The following MS4A8 variants were observed in gnomAD, a reference collection of about 807,000 sequenced individuals.
MS4A8 encodes the protein membrane spanning 4-domains A8.
A neutral mutation model predicts 23.7 loss-of-function variants in MS4A8; 27 were observed. The ratio of observed to expected loss-of-function variants is 1.14; its 90% CI spans 0.84 to 1.57. MS4A8 has a LOEUF of 1.57. Ranked by LOEUF, MS4A8 falls within the 40% of genes most tolerant of loss-of-function variation. The pLI, the probability that MS4A8 is intolerant of heterozygous loss-of-function variation, is 0.00. For synonymous variants in MS4A8, 138 were observed against 126.3 expected, an observed-to-expected ratio of 1.09 and a Z score of -0.62; for missense variants, 301 against 311.4, an observed-to-expected ratio of 0.97 and a Z score of 0.25.
chr11:60,700,908 G>A lies in MS4A8; in HGVS notation c.48G>A (p.Val16=). The A allele has an allele frequency of 6.2e-7, 1 of 1,614,154 alleles. No homozygotes were observed. The highest frequency in any genetic ancestry group is 2.2e-5 in the East Asian group (1 of 44,874). ...SAVPVANSVL[V]VAPHNGYPVT... ...TTCCGGTGGCCAATTCTGTGTTGGT[G>A]GTGGCACCCCACAATGGTTATCCTG... The change falls in exon 2 of 7, where the codon GTG becomes GTA. Residue 16 remains valine (V), a synonymous_variant. Coordinates refer to ENST00000300226, the MANE Select transcript of MS4A8 (RefSeq NM_031457.2).
intron 5 of MS4A8, among the ~76,000 whole-genome samples, chr11:60,714,581 C>CACA (rs1250309530): frequency 5.9e-5 from 9 of 152,034 alleles, no homozygotes; most frequent in African/African-American, 2.2e-4. Flanking sequence ...CACAGGAGGC[C>CACA]TTTTCCTGTG....
intron 6 of MS4A8, 46 bp from the exon 7 acceptor site, chr11:60,715,264 T>A (rs1444039117): frequency 6.4e-7 from 1 of 1,572,132 alleles, no homozygotes; most frequent in Non-Finnish European, 8.8e-7. Context: ...CTTTGGTGCA[T>A]GGCCCGTCCT....
At chr11:60,707,908 C>G (rs944953589) in intron 4 of MS4A8, among the ~76,000 whole-genome samples, 5 of 144,966 alleles carry the variant, frequency 3.4e-5, no homozygotes, top group African/African-American at 1.0e-4. Flanking sequence ...CAACTCACTG[C>G]AGCATCTGCC....
At chr11:60,700,436 C>T (rs928721561) in intron 1 of MS4A8, among the ~76,000 whole-genome samples, 1 of 152,152 alleles carries the variant, frequency 6.6e-6, no homozygotes, top group Non-Finnish European at 1.5e-5. Context: ...ATCCCAGATA[C>T]TCAGGAGGCT....
intron 5 of MS4A8, chr11:60,712,254 A>G: frequency 1.2e-6 from 1 of 860,354 alleles, no homozygotes; most frequent in Non-Finnish European, 1.4e-6. Context: ...GCTCTGGGAT[A>G]CCTTTTTGCT....
chr11:60,708,416 T>C (rs1043504853), intron 4 of MS4A8, among the ~76,000 whole-genome samples: 5 of 152,212 alleles, frequency 3.3e-5, no homozygotes, highest in Non-Finnish European at 7.4e-5. Context: ...AGAAACACTT[T>C]TTGATGAAAA....
chr11:60,709,085 T>C (rs1328722819), intron 5 of MS4A8: 1 of 344,086 alleles, frequency 2.9e-6, no homozygotes, highest in Non-Finnish European at 5.5e-6. Flanking sequence ...ATTCTCTGCC[T>C]TCTTGCCCAT....
At chr11:60,701,527 C>T (rs533750758) in intron 2 of MS4A8, 22 of 342,882 alleles carry the variant, frequency 6.4e-5, no homozygotes, top group Admixed American at 1.5e-4. Flanking sequence ...GGCTGTCCTG[C>T]GCTGGACAAA....
intron 3 of MS4A8, among the ~76,000 whole-genome samples, chr11:60,704,639 G>T (rs539921797): frequency 6.6e-6 from 1 of 152,168 alleles, no homozygotes; most frequent in East Asian, 1.9e-4. Flanking sequence ...GGCTTTGGGG[G>T]CTCCATTTTG....
Position 60,708,799 on chromosome 11 carries a change from C to G in MS4A8, c.534+18C>G. 1 of 1,613,668 alleles carries G rather than the reference C, an allele frequency of 6.2e-7. No homozygotes were observed. The highest frequency in any genetic ancestry group is 8.5e-7 in the Non-Finnish European group (1 of 1,179,674). ...GGGGTGTGGTGAGTATCCCTCTCAA[C>G]CAAAGATCCTCTAAGTTCTGAATTA... On this transcript the variant is annotated intron_variant, in intron 5 of 6. Transcript: ENST00000300226.
rs186083879 is a variant in MS4A8, at chr11:60,705,590, C to T, written c.343-1398C>T. 1.0e-3 allele frequency among the ~76,000 whole-genome samples: 152 copies of T among 152,348 alleles called. No individual in the cohort carries two copies. The Middle Eastern group carries it at 0.01, about 10-fold the overall frequency. On this transcript the variant is annotated intron_variant, in intron 3 of 6. Transcript: ENST00000300226. Reference sequence around the variant, plus strand: ...CTGAGAGGGATACCAAAAGTCCAGCCCTTCCTCCCCATCAAATCTCTATAA... The same window carrying T: ...CTGAGAGGGATACCAAAAGTCCAGCTCTTCCTCCCCATCAAATCTCTATAA...
chr11:60,710,410 A>G (rs1408675825), intron 5 of MS4A8, among the ~76,000 whole-genome samples: 1 of 152,132 alleles, frequency 6.6e-6, no homozygotes, highest in Non-Finnish European at 1.5e-5. Flanking sequence ...CCATCCTTCC[A>G]GTTGCTCGGG....
chr11:60,700,914 AC>A lies in MS4A8; in HGVS notation c.58del (p.His20ThrfsTer6). The A allele has an allele frequency of 6.2e-7, 1 of 1,614,144 alleles. No individual in the cohort carries two copies. The highest frequency in any genetic ancestry group is 8.5e-7 in the Non-Finnish European group (1 of 1,180,014). On this transcript the variant is annotated frameshift_variant, in exon 2 of 7. Transcript: ENST00000300226. LOFTEE classifies it high-confidence loss of function. ...PVANSVLVVAPHNGYPVTPGI... is the reference protein window; with the variant it reads ...PVANSVLVVAXHNGYPVTPGI... ...TGGCCAATTCTGTGTTGGTGGTGGC[AC>A]CCCACAATGGTTATCCTGTGACCCC...
rs2088278823 is a variant in MS4A8 at position 60,708,774 on chromosome 11, G to A, written c.527G>A (p.Trp176Ter). Residue 176 changes from tryptophan to a stop codon, truncating the protein, a stop_gained, in exon 5 of 7, where the codon TGG (tryptophan) becomes TAG (stop). Transcript: ENST00000300226. LOFTEE classifies it high-confidence loss of function. ...TACCCCGACTATTATCCTTACGCCTGGGGTGTGGTGAGTATCCCTCTCAAC... is the reference window on the plus strand; with the variant it reads ...TACCCCGACTATTATCCTTACGCCTAGGGTGTGGTGAGTATCCCTCTCAAC... The part of the protein sequence containing the change: ...YAYPDYYPYA[W>*]GVNPGMAISG... The A allele has an allele frequency of 6.2e-7, 1 of 1,613,768 alleles. No homozygotes were observed. Among genetic ancestry groups the A allele is most frequent in the South Asian group, 1.1e-5 (1 of 91,066 alleles).
intron 5 of MS4A8, among the ~76,000 whole-genome samples, chr11:60,711,647 C>T (rs1053861393): frequency 1.1e-4 from 17 of 152,140 alleles, no homozygotes; most frequent in Middle Eastern, 3.2e-3. Flanking sequence ...GGGAAAGAAC[C>T]AATCAGGGAG....
chr11:60,705,320 T>G (rs2088246580), intron 3 of MS4A8, among the ~76,000 whole-genome samples: 1 of 152,230 alleles, frequency 6.6e-6, no homozygotes, highest in African/African-American at 2.4e-5. Flanking sequence ...CACGGAGCAC[T>G]GGATTCCACC....
chr11:60,715,226 G>A, intron 6 of MS4A8, 84 bp from the exon 7 acceptor site: 1 of 1,488,388 alleles, frequency 6.7e-7, no homozygotes, highest in Non-Finnish European at 9.4e-7. Context: ...CTGCTCAGGA[G>A]CAGGAGTAGT....
chr11:60,704,207 C>T (rs959885206), intron 3 of MS4A8, among the ~76,000 whole-genome samples: 5 of 150,936 alleles, frequency 3.3e-5, no homozygotes, highest in Non-Finnish European at 7.4e-5. Flanking sequence ...CGCAACCTCC[C>T]CCTCCCGGAT....
chr11:60,707,120 T>C lies in MS4A8; in HGVS notation c.402+73T>C. On this transcript the variant is annotated intron_variant, in intron 4 of 6. Transcript: ENST00000300226. ...TGGTGTCACAAAGGGGAAAATAAGG[T>C]CACATACGATTCCTCCCCCAGCCTT... 2.2e-6 allele frequency: 3 copies of C among 1,349,756 alleles called. No individual in the cohort carries two copies. The East Asian group carries it at 6.9e-5, about 31-fold the overall frequency. 83.6% of individuals were successfully genotyped at this position (1,349,756 alleles called of 1,614,324 possible).
Sources: allele counts gnomAD v4.1 joint callset (sites outside exome capture counted in the v4.1 genomes callset), GRCh38; gene constraint gnomAD v4.1.1; transcripts MANE v1.5; gene names NCBI Gene and HGNC (gene_info 2026-07-23, HGNC 2026-07-21).